The following LRRC61 variants were observed in gnomAD, a reference collection of about 807,000 sequenced individuals.
LRRC61 encodes the protein leucine-rich repeat-containing protein 61.
Under a neutral mutation model 15.1 loss-of-function variants are expected in LRRC61, and 9 were observed. The observed-to-expected ratio is 0.60, with a 90% CI of 0.36 to 1.04. The LOEUF is 1.04. LRRC61 is among the 50% of genes least tolerant of loss of function. LRRC61 has a pLI of 0.01. For synonymous variants in LRRC61, 173 were observed against 158.6 expected (o/e 1.09, Z -0.68); for missense variants, 344 against 335.6 (o/e 1.03, Z -0.20).
Position 150,330,432 on chromosome 7 carries a change from C to T in LRRC61, c.-145+4422C>T, listed in dbSNP as rs766712369. ...GGTGGTCCGCGAGGCGAGTGCGGCA[C>T]AGGCCTCTCTGAGCCAGGTGCTGCC... On this transcript the variant is annotated intron_variant, in intron 2 of 2. Coordinates refer to ENST00000359623, the MANE Select transcript of LRRC61 (RefSeq NM_001142928.2). The surrounding 1 kb of genome is among the most constrained non-coding windows in gnomAD (Gnocchi z 4.6). 15 of 774,658 alleles carry T rather than the reference C, an allele frequency of 1.9e-5. No individual in the cohort carries two copies. Among genetic ancestry groups the T allele is most frequent in the Non-Finnish European group, 3.6e-5 (15 of 418,102 alleles). The allele number at this position is 774,658 out of a possible 1,614,324, so 48.0% of individuals were successfully genotyped here. A position where few individuals can be genotyped will look rare whatever the true frequency, so the allele number is the denominator to read the frequency against.
In LRRC61 at chr7:150,338,139, C is replaced by T. The variant is rs1411563125; in HGVS notation, c.*498C>T. On this transcript the variant is annotated 3_prime_UTR_variant, in exon 3 of 3. Coordinates refer to ENST00000359623, the MANE Select transcript of LRRC61 (RefSeq NM_001142928.2). ...TTCTTGTCCACACATCTATTAAATG[C>T]TTCTGTTTTCATTTGCATCCCTGCC... The T allele has an allele frequency of 4.1e-6, 3 of 732,694 alleles. No homozygotes were observed. The highest frequency in any genetic ancestry group is 1.9e-5 in the African/African-American group (1 of 53,760). The allele number at this position is 732,694 out of a possible 1,614,324, so 45.4% of individuals were successfully genotyped here. A position where few individuals can be genotyped will look rare whatever the true frequency, so the allele number is the denominator to read the frequency against.
At chr7:150,324,964 C>T (rs1473575309) in intron 1 of LRRC61, among the ~76,000 whole-genome samples, 2 of 152,210 alleles carry the variant, frequency 1.3e-5, no homozygotes, top group East Asian at 3.8e-4. Context: ...CCTTGTCTCT[C>T]CCCTCTGCCT....
intron 2 of LRRC61, among the ~76,000 whole-genome samples, chr7:150,328,281 G>A (rs11489456): frequency 0.051 from 7,721 of 152,236 alleles, 439 homozygotes; most frequent in East Asian, 0.13. Context: ...CTTCAATATG[G>A]GGGTCCCCCA....
At position 150,333,947 on chromosome 7, in the gene LRRC61, C is replaced by T. The variant is rs1399544080; in HGVS notation, c.-144-2771C>T. ...AATGAGGGTTATGCACGACCCATCA[C>T]CAAGACCCAGGCCTGCATCTGGTGA... is the stretch of plus-strand genomic sequence containing the variant. On this transcript the variant is annotated intron_variant, in intron 2 of 2. Coordinates refer to ENST00000359623, the MANE Select transcript of LRRC61 (RefSeq NM_001142928.2). This position sits in a 1 kb window ranked among gnomAD's most constrained non-coding sequence, Gnocchi z 4.3. The T allele has an allele frequency of 2.0e-6, 2 of 985,202 alleles. No individual in the cohort carries two copies. The highest frequency in any genetic ancestry group is 4.7e-5 in the South Asian group (1 of 21,274). The allele number at this position is 985,202 out of a possible 1,614,324, so 61.0% of individuals were successfully genotyped here. A position where few individuals can be genotyped will look rare whatever the true frequency, so the allele number is the denominator to read the frequency against.
rs111533398 is a variant in LRRC61 at position 150,330,716 on chromosome 7, G to A, written c.-145+4706G>A. The stretch of plus-strand genomic sequence containing the variant: ...TTGACCACTGGAAGCAAGTCCTCGT[G>A]TACAAGGTGAAGGAGATTAGAGTGT... On this transcript the variant is annotated intron_variant, in intron 2 of 2. Coordinates refer to ENST00000359623, the MANE Select transcript of LRRC61 (RefSeq NM_001142928.2). This position sits in a 1 kb window ranked among gnomAD's most constrained non-coding sequence, Gnocchi z 4.6. 3.2e-6 allele frequency: 5 copies of A among 1,577,850 alleles called. No individual in the cohort carries two copies. The South Asian group carries it at 3.3e-5, about 10-fold the overall frequency.
In LRRC61 at chr7:150,337,769, CCCTAT is replaced by C; in HGVS notation, c.*132_*136del. On this transcript the variant is annotated 3_prime_UTR_variant, in exon 3 of 3. Coordinates refer to ENST00000359623, the MANE Select transcript of LRRC61 (RefSeq NM_001142928.2). ...CCTGCACACTGGGCTATTGCTTTAT[CCCTAT>C]CCTGAGAGCAGCCCCTCCCCACCAT... is the stretch of plus-strand genomic sequence containing the variant. 1 of 1,015,722 alleles carries C rather than the reference CCCTAT, an allele frequency of 9.8e-7. No homozygotes were observed. Among genetic ancestry groups the C allele is most frequent in the East Asian group, 2.7e-5 (1 of 37,342 alleles). 62.9% of individuals were successfully genotyped at this position (1,015,722 alleles called of 1,614,324 possible). A position where few individuals can be genotyped will look rare whatever the true frequency, so the allele number is the denominator to read the frequency against.
chr7:150,329,375 C>T (rs1798035677), intron 2 of LRRC61, among the ~76,000 whole-genome samples: 1 of 152,194 alleles, frequency 6.6e-6, no homozygotes, highest in African/African-American at 2.4e-5. Flanking sequence ...CTGTGGGCAC[C>T]CGGGAGACGG....
intron 2 of LRRC61, chr7:150,332,807 G>A (rs1317242699): frequency 6.2e-6 from 1 of 162,318 alleles, no homozygotes; most frequent in Non-Finnish European, 1.5e-5. Context: ...GTGTGGGAGT[G>A]GGGTGGTGGG....
At chr7:150,313,975 G>A in the LRRC61 span, among the ~76,000 whole-genome samples, 1 of 152,324 alleles carries the variant, frequency 6.6e-6, no homozygotes, top group Middle Eastern at 3.4e-3. Context: ...TGAACAACTC[G>A]AGGCAGAGGC....
chr7:150,313,584 G>C, the LRRC61 span, among the ~76,000 whole-genome samples: 1 of 152,166 alleles, frequency 6.6e-6, no homozygotes, highest in African/African-American at 2.4e-5. Context: ...AATCAAGAAG[G>C]GAGGGGGGTA....
chr7:150,315,827 A>G, the LRRC61 span, among the ~76,000 whole-genome samples: 679 of 141,224 alleles, frequency 4.8e-3, 1 homozygote, highest in Non-Finnish European at 7.8e-3. Flanking sequence ...TCCCAACACT[A>G]TACTTTTTTT....
intron 2 of LRRC61, among the ~76,000 whole-genome samples, chr7:150,329,383 C>T (rs974716852): frequency 1.3e-5 from 2 of 152,184 alleles, no homozygotes; most frequent in Admixed American, 1.3e-4. Context: ...ACCCGGGAGA[C>T]GGGGGACCGA....
Position 150,333,102 on chromosome 7 carries a change from C to T in LRRC61, c.-144-3616C>T, listed in dbSNP as rs73170185. ...TTGTGGCTCTGCTGTGTGGCATCACCGAGCGGGCTCATGTTCTGGGAGAGG... is the reference window on the plus strand; with the variant it reads ...TTGTGGCTCTGCTGTGTGGCATCACTGAGCGGGCTCATGTTCTGGGAGAGG... On this transcript the variant is annotated intron_variant, in intron 2 of 2. Transcript: ENST00000359623. This position sits in a 1 kb window ranked among gnomAD's most constrained non-coding sequence, Gnocchi z 4.3. Among the ~76,000 whole-genome samples, 4 of 151,984 alleles carry T rather than the reference C, an allele frequency of 2.6e-5. No homozygotes were observed. The highest frequency in any genetic ancestry group is 2.1e-4 in the South Asian group (1 of 4,822).
At position 150,333,832 on chromosome 7, in the gene LRRC61, G is replaced by A. The variant is rs1469293740; in HGVS notation, c.-144-2886G>A. On this transcript the variant is annotated intron_variant, in intron 2 of 2. Coordinates refer to ENST00000359623, the MANE Select transcript of LRRC61 (RefSeq NM_001142928.2). The surrounding 1 kb of genome is among the most constrained non-coding windows in gnomAD (Gnocchi z 4.3). ...GTTAGTTGGGTCTGCACAGGTGGGC[G>A]CCGGCTGGTTCTCAGTCCTACTGGG... 4.3e-6 allele frequency: 4 copies of A among 927,540 alleles called. No homozygotes were observed. Among genetic ancestry groups the A allele is most frequent in the South Asian group, 5.0e-5 (1 of 20,132 alleles). 57.5% of individuals were successfully genotyped at this position (927,540 alleles called of 1,614,324 possible).
rs1798304763 is a variant in LRRC61 at position 150,336,742 on chromosome 7, A to G, written c.-120A>G. On this transcript the variant is annotated 5_prime_UTR_variant, in exon 3 of 3. Coordinates refer to ENST00000359623, the MANE Select transcript of LRRC61 (RefSeq NM_001142928.2). ...GGGACTGGCTGGCTTCGAGCAGGGC[A>G]TCGGAACCAGGCCTCCTGGCACTGG... The G allele has an allele frequency of 7.3e-7, 1 of 1,369,794 alleles. No homozygotes were observed. The highest frequency in any genetic ancestry group is 9.9e-7 in the Non-Finnish European group (1 of 1,014,372). 84.9% of individuals were successfully genotyped at this position (1,369,794 alleles called of 1,614,324 possible). A position where few individuals can be genotyped will look rare whatever the true frequency, so the allele number is the denominator to read the frequency against.
rs1381752057 is a variant in LRRC61, at chr7:150,338,015, C to T, written c.*374C>T. 4.7e-6 allele frequency: 2 copies of T among 423,290 alleles called. No homozygotes were observed. Among genetic ancestry groups the T allele is most frequent in the Admixed American group, 3.8e-5 (1 of 26,444 alleles). The allele number at this position is 423,290 out of a possible 1,614,324, so 26.2% of individuals were successfully genotyped here. ...GGGAGACAGTAGGCAGGCTGAGTGG[C>T]CCAGAGCACTCCTGGAAGTGGGACT... is the stretch of plus-strand genomic sequence containing the variant. On this transcript the variant is annotated 3_prime_UTR_variant, in exon 3 of 3. Coordinates refer to ENST00000359623, the MANE Select transcript of LRRC61 (RefSeq NM_001142928.2).
chr7:150,325,587 C>T (rs1231426459), intron 1 of LRRC61, among the ~76,000 whole-genome samples: 2 of 152,218 alleles, frequency 1.3e-5, no homozygotes, highest in Non-Finnish European at 2.9e-5. Context: ...CTGCCTCAGA[C>T]TGCCAAGAAG....
the LRRC61 span, among the ~76,000 whole-genome samples, chr7:150,313,237 T>C: frequency 6.6e-6 from 1 of 152,202 alleles, no homozygotes; most frequent in African/African-American, 2.4e-5. Flanking sequence ...ATAGCCTTAC[T>C]GCTCACACAA....
At chr7:150,325,633 A>C (rs1033043549) in intron 1 of LRRC61, among the ~76,000 whole-genome samples, 4 of 152,008 alleles carry the variant, frequency 2.6e-5, no homozygotes, top group African/African-American at 4.8e-5. Context: ...CAGCTGGCTG[A>C]TTTTTTTGTA....
Sources: gnomAD v4.1 joint callset for allele counts (sites outside exome capture counted in the v4.1 genomes callset) on GRCh38, gnomAD v4.1.1 for gene constraint, Gnocchi (gnomAD v3.1) non-coding constraint, MANE v1.5 for transcripts, NCBI Gene and HGNC (gene_info 2026-07-23, HGNC 2026-07-21) for gene names.